YY1: variants seen among roughly 807,000 people sequenced by gnomAD.
YY1 encodes the protein transcriptional repressor protein YY1.
YY1 carries 2 observed loss-of-function variants against 35.6 expected under a neutral mutation model. That is an observed-to-expected ratio of 0.06 (90% confidence interval 0.02 to 0.18). YY1 has a LOEUF of 0.18. YY1 is among the 10% of genes least tolerant of loss of function. The pLI is 1.00. For missense variants in YY1, 322 were observed against 573.4 expected (o/e 0.56, Z 4.48); for synonymous variants, 268 against 238.9 (o/e 1.12, Z -1.12).
At chr14:100,259,519 CA>C (rs576609164) in intron 1 of YY1, among the ~76,000 whole-genome samples, 140 of 125,522 alleles carry the variant, frequency 1.1e-3, no homozygotes, top group South Asian at 3.2e-3. Flanking sequence ...GACTCCGTCT[CA>C]AAAAAAAAAA....
At chr14:100,246,396 G>A (rs994270245) in intron 1 of YY1, among the ~76,000 whole-genome samples, 2 of 152,198 alleles carry the variant, frequency 1.3e-5, no homozygotes, top group South Asian at 2.1e-4. Flanking sequence ...CCTAGGAGTC[G>A]ATGGTCCCTC....
chr14:100,265,682 C>T (rs182581415), intron 2 of YY1, among the ~76,000 whole-genome samples: 6 of 141,962 alleles, frequency 4.2e-5, no homozygotes, highest in African/African-American at 1.5e-4. Context: ...TGGAGTCTCA[C>T]TCTGTCGCCC....
In YY1 at chr14:100,277,877, T is replaced by G; in HGVS notation, c.*277T>G. ...CCCAACAGGAGGACAATTCATGAAC[T>G]TCGCATCAAAAGACAATTCTTTATA... On this transcript the variant is annotated 3_prime_UTR_variant, in exon 5 of 5. Transcript: ENST00000262238. This position sits in a 1 kb window ranked among gnomAD's most constrained non-coding sequence, Gnocchi z 5.6. 2.4e-6 allele frequency: 1 copy of G among 417,246 alleles called. No homozygotes were observed. The highest frequency in any genetic ancestry group is 2.9e-5 in the South Asian group (1 of 34,152). 25.8% of individuals were successfully genotyped at this position (417,246 alleles called of 1,614,324 possible). A position where few individuals can be genotyped will look rare whatever the true frequency, so the allele number is the denominator to read the frequency against.
intron 3 of YY1, among the ~76,000 whole-genome samples, chr14:100,275,109 T>C (rs1891300380): frequency 6.6e-6 from 1 of 152,190 alleles, no homozygotes; most frequent in African/African-American, 2.4e-5. Context: ...AATTTGAAAA[T>C]TATTTTGGAT....
chr14:100,243,255 T>A (rs754238859), intron 1 of YY1, among the ~76,000 whole-genome samples: 6 of 152,240 alleles, frequency 3.9e-5, no homozygotes, highest in Non-Finnish European at 7.3e-5. Flanking sequence ...TATGTGTACA[T>A]ATGGGTTGAG....
intron 1 of YY1, among the ~76,000 whole-genome samples, chr14:100,249,818 G>A (rs903248589): frequency 3.8e-4 from 56 of 148,156 alleles, no homozygotes; most frequent in African/African-American, 1.3e-3. Flanking sequence ...CTGTCGCCCA[G>A]ACTGGAGTGC....
At chr14:100,245,626 A>C (rs1360965797) in intron 1 of YY1, among the ~76,000 whole-genome samples, 1 of 151,796 alleles carries the variant, frequency 6.6e-6, no homozygotes, top group Non-Finnish European at 1.5e-5. Context: ...GTTTTTTTTG[A>C]AACGGAGTCT....
chr14:100,239,432 G>A lies in YY1; in HGVS notation c.188G>A (p.Gly63Asp), dbSNP rs1890688651. Residue 63 changes from glycine to aspartate, a missense_variant, in exon 1 of 5, where the codon GGC becomes GAC. Around this residue, in one of 4 missense-constraint regions of YY1, gnomAD observed 137 missense variants for 167.0 expected, o/e 0.82. Transcript: ENST00000262238. ...GGCGGTGGCGACCACGGCGGCGGGG[G>A]CGGCCACGGGCACGCCGGCCACCAC... The part of the protein sequence containing the change: ...DGGGGDHGGG[G>D]GHGHAGHHHH... 1 of 1,593,550 alleles carries A rather than the reference G, an allele frequency of 6.3e-7. No individual in the cohort carries two copies.
chr14:100,240,184 C>T (rs541371840), intron 1 of YY1, among the ~76,000 whole-genome samples: 1 of 143,486 alleles, frequency 7.0e-6, no homozygotes, highest in Non-Finnish European at 1.5e-5. Flanking sequence ...GGGGAAGCGC[C>T]GCGCGGGGCG....
In YY1 at chr14:100,280,009, ACTCT is replaced by A. The variant is rs897993736; in HGVS notation, c.*2414_*2417del. 1 of 151,846 alleles carries A rather than the reference ACTCT, an allele frequency of 6.6e-6. No individual in the cohort carries two copies. Among genetic ancestry groups the A allele is most frequent in the Non-Finnish European group, 1.5e-5 (1 of 67,960 alleles). 9.4% of individuals were successfully genotyped at this position (151,846 alleles called of 1,614,324 possible). ...TCTGAAATAGTCATCACTCCCCTTGACTCTCTCTGTTCACGTCTTCTCAGTCTGC... is the reference window on the plus strand; with the variant it reads ...TCTGAAATAGTCATCACTCCCCTTGACTCTGTTCACGTCTTCTCAGTCTGC... On this transcript the variant is annotated 3_prime_UTR_variant, in exon 5 of 5. Coordinates refer to ENST00000262238, the MANE Select transcript of YY1 (RefSeq NM_003403.5).
At chr14:100,274,600 G>T (rs1364841365) in intron 2 of YY1, 98 bp from the exon 3 acceptor site, 2 of 1,018,782 alleles carry the variant, frequency 2.0e-6, no homozygotes, top group African/African-American at 1.6e-5. Context: ...TTTAGTTTGG[G>T]TACCTATAAG....
intron 2 of YY1, among the ~76,000 whole-genome samples, chr14:100,267,687 C>T (rs1024041821): frequency 1.3e-5 from 2 of 152,122 alleles, no homozygotes; most frequent in Admixed American, 1.3e-4. Context: ...CTACGCCCGG[C>T]TAATTTTTGT....
intron 1 of YY1, among the ~76,000 whole-genome samples, chr14:100,259,949 GTTTA>G (rs2139586687): frequency 1.3e-5 from 2 of 152,310 alleles, no homozygotes; most frequent in South Asian, 4.1e-4. Context: ...TTCTGTGCCA[GTTTA>G]TCCTTTGCAG....
intron 1 of YY1, among the ~76,000 whole-genome samples, chr14:100,260,506 T>C (rs1891068691): frequency 6.7e-6 from 1 of 149,744 alleles, no homozygotes. Context: ...AGAGTCTCGC[T>C]CTGTCACCCA....
intron 1 of YY1, among the ~76,000 whole-genome samples, chr14:100,240,243 TCCC>T: frequency 1.2e-5 from 1 of 85,876 alleles, no homozygotes; most frequent in Non-Finnish European, 2.3e-5. Context: ...ACGCCCTCGC[TCCC>T]CGCGCCCGCA....
At chr14:100,248,121 C>CTTTTTTTTTTTTTTTT (rs10694000) in intron 1 of YY1, among the ~76,000 whole-genome samples, 2 of 117,660 alleles carry the variant, frequency 1.7e-5, no homozygotes, top group African/African-American at 3.4e-5. Flanking sequence ...ATTTTTTTTT[C>CTTTTTTTTTTTTTTTT]TTTTTTTTTT....
intron 2 of YY1, among the ~76,000 whole-genome samples, chr14:100,265,891 C>T (rs1027785988): frequency 1.3e-5 from 2 of 152,114 alleles, no homozygotes; most frequent in Non-Finnish European, 1.5e-5. Flanking sequence ...TCATGATCCA[C>T]CCGCCTCGGC....
rs1176778153 is a variant in YY1, at chr14:100,243,281, T to TA, written c.679+3359dup. Among the ~76,000 whole-genome samples, 7 of 152,374 alleles carry TA rather than the reference T, an allele frequency of 4.6e-5. No homozygotes were observed. In the East Asian group the frequency reaches 1.3e-3, roughly 29 times the overall value. On this transcript the variant is annotated intron_variant, in intron 1 of 4. Coordinates refer to ENST00000262238, the MANE Select transcript of YY1 (RefSeq NM_003403.5). ...ATGGGTTGAGCATGGTGGGCAGCAT[T>TA]ACTGCTTTCGTGTACTTGATCTCAT...
chr14:100,240,784 GT>G (rs1890726487), intron 1 of YY1, among the ~76,000 whole-genome samples: 1 of 152,024 alleles, frequency 6.6e-6, no homozygotes, highest in Non-Finnish European at 1.5e-5. Flanking sequence ...AGTCACTTAC[GT>G]TTTGGGAAAG....
Sources: allele counts gnomAD v4.1 joint callset (sites outside exome capture counted in the v4.1 genomes callset), GRCh38; gene constraint gnomAD v4.1.1; regional missense constraint gnomAD v4.1.1; non-coding constraint Gnocchi (gnomAD v3.1); transcripts MANE v1.5; gene names NCBI Gene and HGNC (gene_info 2026-07-23, HGNC 2026-07-21).